ADGRV1: variants seen among roughly 807,000 people sequenced by gnomAD.
ADGRV1 encodes the protein G-protein coupled receptor 98.
Under a neutral mutation model 596.2 loss-of-function variants are expected in ADGRV1, and 359 were observed. That is an observed-to-expected ratio of 0.60 (90% CI 0.55 to 0.66). The LOEUF is 0.66. Ranked by LOEUF, ADGRV1 falls within the 30% of genes least tolerant of loss-of-function variation. ADGRV1 has a pLI of 0.00. For synonymous variants in ADGRV1, 2,681 were observed against 2,679.2 expected (o/e 1.00, Z -0.02); for missense variants, 7,274 against 7,575.6 (o/e 0.96, Z 1.48).
chr5:90,936,898 CTT>C (rs1224178020), intron 83 of ADGRV1, among the ~76,000 whole-genome samples: 3 of 151,934 alleles, frequency 2.0e-5, no homozygotes, highest in Non-Finnish European at 4.4e-5. Flanking sequence ...TCTAAAATGT[CTT>C]TATTTTGCCT....
chr5:90,849,669 C>T (rs747115961), intron 79 of ADGRV1, among the ~76,000 whole-genome samples: 3 of 152,160 alleles, frequency 2.0e-5, no homozygotes, highest in Non-Finnish European at 2.9e-5. Flanking sequence ...GGATTACAAG[C>T]GTGAGCCACT....
intron 85 of ADGRV1, among the ~76,000 whole-genome samples, chr5:91,010,099 A>G (rs1029079145): frequency 6.6e-6 from 1 of 152,108 alleles, no homozygotes; most frequent in African/African-American, 2.4e-5. Flanking sequence ...CAAACATAAT[A>G]GTCTTTAAAC....
intron 1 of ADGRV1, among the ~76,000 whole-genome samples, chr5:90,560,303 C>T (rs984338581): frequency 3.3e-5 from 5 of 152,060 alleles, no homozygotes; most frequent in African/African-American, 9.7e-5. Flanking sequence ...AACTGAAGTA[C>T]GACTGAATCC....
intron 85 of ADGRV1, among the ~76,000 whole-genome samples, chr5:91,056,239 T>C (rs1046722303): frequency 6.6e-6 from 1 of 151,100 alleles, no homozygotes; most frequent in Non-Finnish European, 1.5e-5. Flanking sequence ...TCTCATCGAT[T>C]TGCTGAGCAT....
intron 1 of ADGRV1, among the ~76,000 whole-genome samples, chr5:90,586,177 C>T (rs937220966): frequency 5.3e-5 from 8 of 152,052 alleles, no homozygotes; most frequent in African/African-American, 1.7e-4. Context: ...TTTTTACCTC[C>T]GACTTAGAAT....
chr5:90,625,928 A>G (rs375906984), intron 6 of ADGRV1: 29 of 152,168 alleles, frequency 1.9e-4, no homozygotes, highest in African/African-American at 6.5e-4. Context: ...GTTCACATTT[A>G]TGGGAAGATT....
At chr5:91,076,780 T>C (rs1788892557) in intron 86 of ADGRV1, among the ~76,000 whole-genome samples, 1 of 152,194 alleles carries the variant, frequency 6.6e-6, no homozygotes, top group Non-Finnish European at 1.5e-5. Context: ...ATATTCAACA[T>C]ACTATAACTC....
intron 9 of ADGRV1, among the ~76,000 whole-genome samples, chr5:90,633,466 C>T (rs1281151309): frequency 1.3e-5 from 2 of 151,992 alleles, no homozygotes; most frequent in Non-Finnish European, 2.9e-5. Context: ...ACAGCAATGA[C>T]AATGTTCATT....
intron 29 of ADGRV1, among the ~76,000 whole-genome samples, chr5:90,688,682 A>T (rs1305446563): frequency 6.6e-6 from 1 of 152,194 alleles, no homozygotes; most frequent in African/African-American, 2.4e-5. Flanking sequence ...AGTTTTGGCC[A>T]AATTATCTAT....
intron 86 of ADGRV1, among the ~76,000 whole-genome samples, chr5:91,100,930 G>T (rs2126640326): frequency 6.6e-6 from 1 of 152,306 alleles, no homozygotes; most frequent in South Asian, 2.1e-4. Context: ...ATCATCAAAA[G>T]TGTCAGGGTT....
At chr5:90,647,860 T>G in intron 17 of ADGRV1, 96 bp downstream of exon 17, 2 of 1,043,120 alleles carry the variant, frequency 1.9e-6, no homozygotes, top group Non-Finnish European at 2.8e-6. Flanking sequence ...AAGTAGGGCC[T>G]AACTACATTT....
At chr5:90,686,372 A>G (rs1189532543) in intron 29 of ADGRV1, among the ~76,000 whole-genome samples, 1 of 151,720 alleles carries the variant, frequency 6.6e-6, no homozygotes, top group Non-Finnish European at 1.5e-5. Context: ...CGCTCCCCAC[A>G]CCCCACAACA....
At chr5:90,647,069 G>C (rs1394215775) in intron 16 of ADGRV1, among the ~76,000 whole-genome samples, 2 of 152,146 alleles carry the variant, frequency 1.3e-5, no homozygotes, top group Non-Finnish European at 2.9e-5. Flanking sequence ...ACTGCGCCCA[G>C]CCTGATTTGT....
intron 85 of ADGRV1, among the ~76,000 whole-genome samples, chr5:90,994,955 C>A (rs906406966): frequency 6.6e-6 from 1 of 152,168 alleles, no homozygotes; most frequent in Non-Finnish European, 1.5e-5. Context: ...ACTGCCTTAA[C>A]CTTCACATTA....
rs1260936095 is a variant in ADGRV1, at chr5:90,775,057, G to A, written c.12403+754G>A. Among the ~76,000 whole-genome samples the A allele has an allele frequency of 2.0e-5, 3 of 152,094 alleles. No homozygotes were observed. In the East Asian group the frequency reaches 5.8e-4, roughly 29 times the overall value. On this transcript the variant is annotated intron_variant, in intron 60 of 89. Coordinates refer to ENST00000405460, the MANE Select transcript of ADGRV1 (RefSeq NM_032119.4). ...ATGATTTGTTTTTTGGATCCATAGA[G>A]AAAAGAGTAATGATTCTAAAATGGT...
In ADGRV1 at chr5:90,921,308, TTA is replaced by T. The variant is rs1307413127; in HGVS notation, c.17857-44105_17857-44104del. Reference sequence around the variant, plus strand: ...TTTGTTTCATCATTCAACATTGTTTTTATGACAGTCTTCCTTATTTATTTATT... The same window carrying T: ...TTTGTTTCATCATTCAACATTGTTTTTGACAGTCTTCCTTATTTATTTATT... On this transcript the variant is annotated intron_variant, in intron 83 of 89. Transcript: ENST00000405460. 2.0e-5 allele frequency among the ~76,000 whole-genome samples: 3 copies of T among 152,236 alleles called. No individual in the cohort carries two copies. The East Asian group carries it at 5.8e-4, about 29-fold the overall frequency.
At chr5:90,567,435 G>T (rs2151948246) in intron 1 of ADGRV1, among the ~76,000 whole-genome samples, 1 of 152,126 alleles carries the variant, frequency 6.6e-6, no homozygotes, top group Non-Finnish European at 1.5e-5. Context: ...GAAACCATCT[G>T]GTCCTGGACT....
At chr5:91,031,363 A>G (rs780911073) in intron 85 of ADGRV1, 440 of 1,201,272 alleles carry the variant, frequency 3.7e-4, no homozygotes, top group Non-Finnish European at 5.2e-4. Context: ...TCATCCGCTG[A>G]CGGAAGTTCA....
intron 19 of ADGRV1, 137 bp downstream of exon 19, chr5:90,652,700 TG>T: frequency 3.3e-6 from 2 of 601,822 alleles, no homozygotes; most frequent in Non-Finnish European, 5.7e-6. Context: ...TGATTTTAAA[TG>T]TTAAAATACC....
Sources: allele counts gnomAD v4.1 joint callset (sites outside exome capture counted in the v4.1 genomes callset), GRCh38; gene constraint gnomAD v4.1.1; transcripts MANE v1.5; gene names NCBI Gene and HGNC (gene_info 2026-07-23, HGNC 2026-07-21).